The following BARX2 variants were observed in gnomAD, a reference collection of about 807,000 sequenced individuals.
The protein encoded by BARX2 is homeobox protein BarH-like 2.
BARX2 carries 11 observed loss-of-function variants against 25.5 expected under a neutral mutation model. That is an observed-to-expected ratio of 0.43 (90% CI 0.27 to 0.71). The LOEUF is 0.71. Ranked by LOEUF, BARX2 falls within the 30% of genes least tolerant of loss-of-function variation. BARX2 has a pLI of 0.19. For missense variants in BARX2, 360 were observed against 359.9 expected, an observed-to-expected ratio of 1.00 and a Z score of 0.00; for synonymous variants, 137 against 149.5, an observed-to-expected ratio of 0.92 and a Z score of 0.61.
intron 3 of BARX2, among the ~76,000 whole-genome samples, chr11:129,447,179 G>C (rs140071839): frequency 1.2e-3 from 181 of 152,292 alleles, no homozygotes; most frequent in African/African-American, 4.2e-3. Context: ...TATCTGAAAA[G>C]TAGAGGGAAG....
intron 1 of BARX2, among the ~76,000 whole-genome samples, chr11:129,399,609 T>C (rs1312106021): frequency 6.6e-6 from 1 of 152,102 alleles, no homozygotes; most frequent in Non-Finnish European, 1.5e-5. Context: ...GCAGCTTTTA[T>C]TGAAGTGGCA....
intron 1 of BARX2, among the ~76,000 whole-genome samples, chr11:129,384,125 G>C (rs993078285): frequency 6.6e-6 from 1 of 152,048 alleles, no homozygotes; most frequent in Non-Finnish European, 1.5e-5. Context: ...ACCTGCCTCG[G>C]CCTCCCAAAG....
chr11:129,445,925 GAGTAATAA>G (rs1862322470), intron 3 of BARX2, among the ~76,000 whole-genome samples: 1 of 152,058 alleles, frequency 6.6e-6, no homozygotes, highest in South Asian at 2.1e-4. Context: ...AAAGATAATT[GAGTAATAA>G]AGATGTCTCA....
At chr11:129,416,174 G>T (rs1386476661) in intron 1 of BARX2, among the ~76,000 whole-genome samples, 1 of 152,216 alleles carries the variant, frequency 6.6e-6, no homozygotes, top group South Asian at 2.1e-4. Context: ...AGGAAGTCTG[G>T]ATGTGCTTTT....
intron 2 of BARX2, among the ~76,000 whole-genome samples, chr11:129,440,619 C>T (rs1662752727): frequency 6.6e-6 from 1 of 152,200 alleles, no homozygotes; most frequent in Non-Finnish European, 1.5e-5. Context: ...ACAGGGATGA[C>T]CAGAGGGATG....
chr11:129,396,234 C>G (rs565879314), intron 1 of BARX2, among the ~76,000 whole-genome samples: 1 of 152,180 alleles, frequency 6.6e-6, no homozygotes, highest in African/African-American at 2.4e-5. Flanking sequence ...GGTTTTGAAC[C>G]TTACTAAACT....
At chr11:129,397,793 G>A (rs1017062256) in intron 1 of BARX2, among the ~76,000 whole-genome samples, 2 of 152,224 alleles carry the variant, frequency 1.3e-5, no homozygotes, top group African/African-American at 2.4e-5. Flanking sequence ...AGACTTGGCC[G>A]AGCAGTTGGT....
intron 1 of BARX2, among the ~76,000 whole-genome samples, chr11:129,419,954 C>T (rs1861985972): frequency 6.6e-6 from 1 of 151,854 alleles, no homozygotes; most frequent in African/African-American, 2.4e-5. Context: ...CTAATTTTTG[C>T]ATTTTTAGTA....
In BARX2 at chr11:129,451,492, C is replaced by T. The variant is rs182541382; in HGVS notation, c.*90C>T. 543 of 1,440,060 alleles carry T rather than the reference C, an allele frequency of 3.8e-4. No individual in the cohort carries two copies. Among genetic ancestry groups the T allele is most frequent in the Non-Finnish European group, 4.8e-4 (511 of 1,065,732 alleles). The allele number at this position is 1,440,060 out of a possible 1,614,324, so 89.2% of individuals were successfully genotyped here. A position where few individuals can be genotyped will look rare whatever the true frequency, so the allele number is the denominator to read the frequency against. On this transcript the variant is annotated 3_prime_UTR_variant, in exon 4 of 4. Transcript: ENST00000281437. ...TAGGGAGAGAAAACCTTCCAGCAGC[C>T]CAGTAAACTGCGGGCGAAGAGATCT...
chr11:129,444,739 C>T (rs1027047351), intron 3 of BARX2, among the ~76,000 whole-genome samples: 1 of 152,132 alleles, frequency 6.6e-6, no homozygotes, highest in African/African-American at 2.4e-5. Flanking sequence ...CGGTGGCTCA[C>T]GCCTGTAATC....
intron 1 of BARX2, among the ~76,000 whole-genome samples, chr11:129,405,741 T>C (rs1363345764): frequency 6.6e-6 from 1 of 152,218 alleles, no homozygotes; most frequent in African/African-American, 2.4e-5. Flanking sequence ...CTATTTTGCA[T>C]TCTGACCCTA....
rs555843427 is a variant in BARX2, at chr11:129,420,777, C to T, written c.188-15974C>T. Among the ~76,000 whole-genome samples, 4 of 152,288 alleles carry T rather than the reference C, an allele frequency of 2.6e-5. No individual in the cohort carries two copies. The East Asian group carries it at 7.7e-4, about 29-fold the overall frequency. On this transcript the variant is annotated intron_variant, in intron 1 of 3. Transcript: ENST00000281437. ...CACACGTATTCAACTAATATTTGTT[C>T]AGTTGATACCCTGTGCAAAGTACAG... is the stretch of plus-strand genomic sequence containing the variant.
chr11:129,378,563 CTTTTTTT>C (rs56804728), intron 1 of BARX2, among the ~76,000 whole-genome samples: 6 of 111,212 alleles, frequency 5.4e-5, no homozygotes, highest in African/African-American at 1.4e-4. Context: ...TTTTCTTTTT[CTTTTTTT>C]TTTTTTTTTT....
intron 3 of BARX2, among the ~76,000 whole-genome samples, chr11:129,448,661 A>G (rs1458045166): frequency 6.6e-6 from 1 of 152,210 alleles, no homozygotes; most frequent in Non-Finnish European, 1.5e-5. Context: ...GAACCCTCAT[A>G]TGCAGCTGGC....
chr11:129,402,331 A>T (rs73569134), intron 1 of BARX2, among the ~76,000 whole-genome samples: 69 of 152,180 alleles, frequency 4.5e-4, no homozygotes, highest in African/African-American at 1.5e-3. Context: ...TTCCAAAAAA[A>T]AAAGGCATAC....
intron 1 of BARX2, among the ~76,000 whole-genome samples, chr11:129,432,210 G>A (rs141545792): frequency 7.2e-5 from 11 of 152,048 alleles, no homozygotes; most frequent in East Asian, 5.8e-4. Context: ...TTACAGGTGC[G>A]TGCCACCACA....
intron 3 of BARX2, among the ~76,000 whole-genome samples, chr11:129,445,133 G>C (rs1862309658): frequency 1.3e-5 from 2 of 152,156 alleles, no homozygotes; most frequent in Non-Finnish European, 1.5e-5. Context: ...ACACCTTTTG[G>C]GGGATTGGTC....
intron 1 of BARX2, among the ~76,000 whole-genome samples, chr11:129,421,544 A>G (rs1862004209): frequency 6.6e-6 from 1 of 152,242 alleles, no homozygotes; most frequent in Admixed American, 6.5e-5. Context: ...AGAGAAAATC[A>G]ATGGGATTCC....
intron 2 of BARX2, 29 bp downstream of exon 2, chr11:129,437,080 A>C: frequency 6.6e-7 from 1 of 1,511,044 alleles, no homozygotes; most frequent in Non-Finnish European, 8.9e-7. Context: ...GACTCTCCGC[A>C]GTGAAGGCCC....
Sources: allele counts gnomAD v4.1 joint callset (sites outside exome capture counted in the v4.1 genomes callset), GRCh38; gene constraint gnomAD v4.1.1; transcripts MANE v1.5; gene names NCBI Gene and HGNC (gene_info 2026-07-23, HGNC 2026-07-21).